Variants in PDE3B observed in about 807,000 individuals in gnomAD.
PDE3B encodes phosphodiesterase 3B.
Under a neutral mutation model 116.8 loss-of-function variants are expected in PDE3B, and 66 were observed. The observed-to-expected ratio is 0.56, with a 90% CI of 0.46 to 0.69. PDE3B has a LOEUF of 0.69. PDE3B is among the 30% of genes least tolerant of loss of function. The pLI is 0.00. For missense variants in PDE3B, 1,384 were observed against 1,368.1 expected (o/e 1.01, Z -0.18); for synonymous variants, 595 against 533.6 (o/e 1.12, Z -1.59).
intron 12 of PDE3B, among the ~76,000 whole-genome samples, chr11:14,845,163 G>A (rs1454122371): frequency 2.0e-5 from 3 of 151,972 alleles, no homozygotes; most frequent in Non-Finnish European, 4.4e-5. Context: ...CGATCAGACA[G>A]CAGCGTTCAC....
intron 1 of PDE3B, among the ~76,000 whole-genome samples, chr11:14,678,910 G>A (rs1854610663): frequency 6.6e-6 from 1 of 152,116 alleles, no homozygotes; most frequent in Admixed American, 6.6e-5. Context: ...CTTAAGACCT[G>A]TGATGCATTT....
intron 1 of PDE3B, among the ~76,000 whole-genome samples, chr11:14,740,490 C>A (rs1388842796): frequency 1.3e-5 from 2 of 152,116 alleles, no homozygotes; most frequent in African/African-American, 2.4e-5. Context: ...ATTCTTCTCT[C>A]TTTTCATCTT....
chr11:14,847,184 A>G (rs541042230), intron 12 of PDE3B, among the ~76,000 whole-genome samples: 1 of 152,150 alleles, frequency 6.6e-6, no homozygotes, highest in Non-Finnish European at 1.5e-5. Flanking sequence ...GGATTAAGAC[A>G]CTCACTCAAA....
chr11:14,750,075 A>G (rs1306527191), intron 1 of PDE3B, among the ~76,000 whole-genome samples: 2 of 151,188 alleles, frequency 1.3e-5, no homozygotes, highest in Admixed American at 1.3e-4. Context: ...CCAGTGTTGT[A>G]GCTCAAGCTG....
At chr11:14,724,477 T>G (rs1309169422) in intron 1 of PDE3B, among the ~76,000 whole-genome samples, 1 of 152,196 alleles carries the variant, frequency 6.6e-6, no homozygotes. Flanking sequence ...GCTTTTTGAA[T>G]GCCTATAAGA....
At chr11:14,755,595 C>T (rs72869755) in intron 1 of PDE3B, among the ~76,000 whole-genome samples, 3 of 152,112 alleles carry the variant, frequency 2.0e-5, no homozygotes, top group Non-Finnish European at 2.9e-5. Flanking sequence ...AACAGATAAA[C>T]GTTGATTTTG....
intron 4 of PDE3B, among the ~76,000 whole-genome samples, chr11:14,795,892 A>G (rs1267299766): frequency 6.6e-6 from 1 of 152,132 alleles, no homozygotes; most frequent in Non-Finnish European, 1.5e-5. Context: ...TATTATCATT[A>G]TACTTTCAGT....
chr11:14,811,469 A>G (rs1285833466), intron 5 of PDE3B, among the ~76,000 whole-genome samples: 1 of 152,194 alleles, frequency 6.6e-6, no homozygotes, highest in Admixed American at 6.5e-5. Context: ...CAAAGATCAG[A>G]TAGTTGTAGA....
chr11:14,776,907 G>C lies in PDE3B; in HGVS notation c.1029+4920G>C, dbSNP rs537754040. 1.9e-4 allele frequency among the ~76,000 whole-genome samples: 29 copies of C among 151,916 alleles called. No individual in the cohort carries two copies. In the South Asian group the frequency reaches 5.8e-3, roughly 30 times the overall value. Reference sequence around the variant, plus strand: ...ACCAAGAAAATCACAACTTGAATAAGAAAAAGGAATGACAACACTAAGATG... The same window carrying C: ...ACCAAGAAAATCACAACTTGAATAACAAAAAGGAATGACAACACTAAGATG... On this transcript the variant is annotated intron_variant, in intron 2 of 15. Transcript: ENST00000282096.
intron 1 of PDE3B, among the ~76,000 whole-genome samples, chr11:14,770,414 G>A (rs1291921975): frequency 1.3e-5 from 2 of 151,462 alleles, no homozygotes; most frequent in Non-Finnish European, 3.0e-5. Context: ...TATAAGAATA[G>A]CATGGAGGAA....
chr11:14,849,441 T>A (rs1404966201), intron 12 of PDE3B, among the ~76,000 whole-genome samples: 2 of 152,192 alleles, frequency 1.3e-5, no homozygotes, highest in East Asian at 3.9e-4. Context: ...GGACTTCATG[T>A]CTAAAACACC....
chr11:14,798,278 A>C (rs889079515), intron 4 of PDE3B, among the ~76,000 whole-genome samples: 3 of 152,182 alleles, frequency 2.0e-5, no homozygotes, highest in East Asian at 1.9e-4. Context: ...GCAGGGATGA[A>C]GCCTACTTGA....
At chr11:14,835,384 T>A (rs1366930060) in intron 11 of PDE3B, among the ~76,000 whole-genome samples, 1 of 152,216 alleles carries the variant, frequency 6.6e-6, no homozygotes, top group East Asian at 1.9e-4. Context: ...TTTGTTTTCC[T>A]CACTGAGGTA....
intron 1 of PDE3B, among the ~76,000 whole-genome samples, chr11:14,722,466 C>G (rs562338579): frequency 6.6e-6 from 1 of 152,142 alleles, no homozygotes; most frequent in South Asian, 2.1e-4. Flanking sequence ...AAGAGAGAAA[C>G]TTTTTCCAAA....
intron 1 of PDE3B, among the ~76,000 whole-genome samples, chr11:14,751,167 C>T (rs751281847): frequency 6.6e-6 from 1 of 152,138 alleles, no homozygotes; most frequent in Non-Finnish European, 1.5e-5. Context: ...TCTGTGAATT[C>T]ATATTTGGAA....
chr11:14,674,652 A>G (rs1854477270), intron 1 of PDE3B: 1 of 292,420 alleles, frequency 3.4e-6, no homozygotes, highest in Non-Finnish European at 6.7e-6. Flanking sequence ...AGTTGCTGTT[A>G]TTTGAACTAC....
At chr11:14,715,719 T>A (rs573705195) in intron 1 of PDE3B, among the ~76,000 whole-genome samples, 2 of 152,354 alleles carry the variant, frequency 1.3e-5, no homozygotes, top group South Asian at 2.1e-4. Flanking sequence ...ACTATTTGAC[T>A]TCCTCTTTTC....
the PDE3B span, chr11:14,891,676 A>G: frequency 4.3e-6 from 5 of 1,163,546 alleles, no homozygotes; most frequent in Non-Finnish European, 2.1e-6. Flanking sequence ...GCGGCTGGCG[A>G]GCCAAACGGC....
intron 12 of PDE3B, among the ~76,000 whole-genome samples, chr11:14,856,238 A>G (rs1278815172): frequency 6.6e-6 from 1 of 152,162 alleles, no homozygotes; most frequent in Admixed American, 6.6e-5. Context: ...TTCCACTGTG[A>G]CTGTAAGTTT....
Sources: gnomAD v4.1 joint callset for allele counts (sites outside exome capture counted in the v4.1 genomes callset) on GRCh38, gnomAD v4.1.1 for gene constraint, MANE v1.5 for transcripts, NCBI Gene and HGNC (gene_info 2026-07-23, HGNC 2026-07-21) for gene names.